Variants in CLDN10 observed in about 807,000 individuals in gnomAD.
CLDN10 encodes claudin 10, also known as claudin-10.
A neutral mutation model predicts 22.9 loss-of-function variants in CLDN10; 15 were observed. That is an observed-to-expected ratio of 0.65 (90% CI 0.44 to 1.01). The LOEUF (loss-of-function observed/expected upper bound fraction) is 1.01. Among genes scored for constraint, CLDN10 ranks in the 50% least tolerant of loss-of-function variants. CLDN10 has a pLI of 0.00. For missense variants in CLDN10, 247 were observed against 287.8 expected (o/e 0.86, Z 1.03); for synonymous variants, 114 against 111.4 (o/e 1.02, Z -0.15).
At chr13:95,564,201 G>T (rs1186917810) in intron 3 of CLDN10, among the ~76,000 whole-genome samples, 1 of 152,162 alleles carries the variant, frequency 6.6e-6, no homozygotes, top group Non-Finnish European at 1.5e-5. Flanking sequence ...AAACGTCTAT[G>T]CAACTGTATC....
intron 1 of CLDN10, among the ~76,000 whole-genome samples, chr13:95,532,619 C>T (rs903787401): frequency 6.6e-5 from 10 of 151,904 alleles, no homozygotes; most frequent in African/African-American, 2.4e-4. Context: ...TACCCTCCCA[C>T]CCAGTAATTC....
At chr13:95,471,159 G>T (rs1258570836) in intron 1 of CLDN10, among the ~76,000 whole-genome samples, 1 of 152,168 alleles carries the variant, frequency 6.6e-6, no homozygotes, top group South Asian at 2.1e-4. Flanking sequence ...GAATTTCCAG[G>T]CAGGGGAAAG....
chr13:95,570,867 T>TATATATATAC, intron 3 of CLDN10, among the ~76,000 whole-genome samples: 1 of 145,622 alleles, frequency 6.9e-6, no homozygotes, highest in Non-Finnish European at 1.5e-5. Flanking sequence ...TGTATATATA[T>TATATATATAC]ATATATATAT....
chr13:95,439,096 A>G (rs1241922813), intron 1 of CLDN10, among the ~76,000 whole-genome samples: 2 of 152,078 alleles, frequency 1.3e-5, no homozygotes, highest in Admixed American at 6.6e-5. Context: ...GATGTCATCA[A>G]TTTAGACTTC....
At chr13:95,475,397 C>T (rs1312064511) in intron 1 of CLDN10, among the ~76,000 whole-genome samples, 2 of 152,190 alleles carry the variant, frequency 1.3e-5, no homozygotes, top group Non-Finnish European at 2.9e-5. Flanking sequence ...GCCTGATCTC[C>T]GCTAAGTTCA....
chr13:95,459,479 T>G (rs1470153106), intron 1 of CLDN10, among the ~76,000 whole-genome samples: 1 of 152,258 alleles, frequency 6.6e-6, no homozygotes, highest in Non-Finnish European at 1.5e-5. Context: ...TTAACTTCTG[T>G]GCACCTGAAG....
intron 1 of CLDN10, among the ~76,000 whole-genome samples, chr13:95,520,016 T>C (rs1456672892): frequency 7.9e-6 from 1 of 127,308 alleles, no homozygotes; most frequent in Non-Finnish European, 1.7e-5. Context: ...TTGGGGAATA[T>C]AGTGTGTGTG....
intron 1 of CLDN10, among the ~76,000 whole-genome samples, chr13:95,442,961 T>A (rs906979631): frequency 2.0e-5 from 3 of 152,248 alleles, no homozygotes; most frequent in African/African-American, 7.2e-5. Context: ...TTGATGACTT[T>A]AACCATGTAG....
intron 1 of CLDN10, among the ~76,000 whole-genome samples, chr13:95,447,519 A>C (rs4359316): frequency 0.22 from 33,313 of 151,934 alleles, 4,328 homozygotes; most frequent in Non-Finnish European, 0.3. Flanking sequence ...CATACCCTAA[A>C]TCCAGCATGC....
intron 1 of CLDN10, among the ~76,000 whole-genome samples, chr13:95,447,953 C>T (rs886301106): frequency 2.6e-5 from 4 of 152,264 alleles, no homozygotes; most frequent in South Asian, 2.1e-4. Flanking sequence ...GCTATGCCGC[C>T]TCTCCCTTGC....
intron 3 of CLDN10, 104 bp downstream of exon 3, chr13:95,560,567 C>A: frequency 1.2e-6 from 1 of 857,522 alleles, no homozygotes; most frequent in South Asian, 1.6e-5. Context: ...GAAAGTAAGA[C>A]ATACTGATAA....
intron 1 of CLDN10, among the ~76,000 whole-genome samples, chr13:95,521,604 C>T (rs549732514): frequency 4.4e-4 from 67 of 152,214 alleles, no homozygotes; most frequent in African/African-American, 1.6e-3. Flanking sequence ...TATAATTTTG[C>T]ATCTATATTC....
chr13:95,513,842 T>G (rs1249510258), intron 1 of CLDN10, among the ~76,000 whole-genome samples: 3 of 152,204 alleles, frequency 2.0e-5, no homozygotes, highest in Non-Finnish European at 4.4e-5. Flanking sequence ...ATATATAATC[T>G]GACAGCTTTT....
intron 1 of CLDN10, among the ~76,000 whole-genome samples, chr13:95,492,354 G>A (rs1236562631): frequency 6.6e-6 from 1 of 151,700 alleles, no homozygotes; most frequent in Non-Finnish European, 1.5e-5. Flanking sequence ...TGCTGTGGGG[G>A]ATGGGGGTGG....
chr13:95,453,545 A>G (rs193135118), intron 1 of CLDN10, among the ~76,000 whole-genome samples: 3 of 152,216 alleles, frequency 2.0e-5, no homozygotes, highest in Admixed American at 2.0e-4. Context: ...TTAGCGGGTT[A>G]TGGTGGCACA....
intron 1 of CLDN10, among the ~76,000 whole-genome samples, chr13:95,514,463 G>T (rs952085638): frequency 1.1e-4 from 16 of 149,658 alleles, no homozygotes; most frequent in African/African-American, 3.7e-4. Context: ...GGTGGGTAGA[G>T]GAATTGGGCT....
At chr13:95,495,043 A>AT (rs1555292567) in intron 1 of CLDN10, among the ~76,000 whole-genome samples, 9 of 146,164 alleles carry the variant, frequency 6.2e-5, no homozygotes, top group East Asian at 5.9e-4. Context: ...TAATTAATTA[A>AT]TTTTTTTTTT....
intron 1 of CLDN10, among the ~76,000 whole-genome samples, chr13:95,523,097 T>C (rs2043239480): frequency 2.0e-5 from 3 of 152,044 alleles, no homozygotes; most frequent in African/African-American, 7.2e-5. Flanking sequence ...TTCACCCTCT[T>C]TTTGTCCCAT....
chr13:95,452,669 A>T (rs1223783470), intron 1 of CLDN10, among the ~76,000 whole-genome samples: 1 of 152,228 alleles, frequency 6.6e-6, no homozygotes, highest in East Asian at 1.9e-4. Context: ...ATAAAGTACC[A>T]TTCACTGAGA....
Sources: gnomAD v4.1 joint callset for allele counts (sites outside exome capture counted in the v4.1 genomes callset) on GRCh38, gnomAD v4.1.1 for gene constraint, MANE v1.5 for transcripts, NCBI Gene and HGNC (gene_info 2026-07-23, HGNC 2026-07-21) for gene names.